Variants in HDAC9 observed in about 807,000 individuals in gnomAD.
The protein encoded by HDAC9 is histone deacetylase 9.
In HDAC9, 41 loss-of-function variants were observed where a neutral mutation model predicts 139.4. The ratio of observed to expected loss-of-function variants is 0.29; its 90% CI spans 0.23 to 0.38. HDAC9 has a LOEUF of 0.38. Among genes scored for constraint, HDAC9 ranks in the 10% least tolerant of loss-of-function variants. HDAC9 has a pLI of 1.00. For missense variants in HDAC9, 1,147 were observed against 1,297.0 expected (o/e 0.88, Z 1.78); for synonymous variants, 517 against 476.2 (o/e 1.09, Z -1.12).
intron 2 of HDAC9, among the ~76,000 whole-genome samples, chr7:18,180,537 G>A (rs940639204): frequency 2.0e-5 from 3 of 152,040 alleles, no homozygotes; most frequent in Admixed American, 2.0e-4. Context: ...AGATCAAAGA[G>A]TGTCAGAACT....
chr7:18,855,281 G>C (rs1200330723), intron 21 of HDAC9, among the ~76,000 whole-genome samples: 1 of 152,082 alleles, frequency 6.6e-6, no homozygotes, highest in African/African-American at 2.4e-5. Flanking sequence ...TCGTGACCTA[G>C]CGTAGTGTTA....
chr7:18,665,342 A>G (rs1794543748), intron 11 of HDAC9, among the ~76,000 whole-genome samples: 1 of 152,166 alleles, frequency 6.6e-6, no homozygotes, highest in Non-Finnish European at 1.5e-5. Flanking sequence ...ACAAATGACC[A>G]GTGTGAGACA....
rs191091374 is a variant in HDAC9 at position 18,728,479 on chromosome 7, G to A, written c.1909+722G>A. ...GCTATTCCCTCTGCAAAGGAACAGT[G>A]CTGTACATATATGCGTGGATAATTA... On this transcript the variant is annotated intron_variant, in intron 13 of 25. Transcript: ENST00000686413. Among the ~76,000 whole-genome samples, 42 of 151,724 alleles carry A rather than the reference G, an allele frequency of 2.8e-4. 1 individual carries two copies. The highest frequency in any genetic ancestry group is 9.9e-4 in the African/African-American group (41 of 41,372).
chr7:18,490,878 A>G (rs971264748), upstream of HDAC9, among the ~76,000 whole-genome samples: 1 of 152,024 alleles, frequency 6.6e-6, no homozygotes, highest in Admixed American at 6.6e-5. Context: ...GAGGAGCAGC[A>G]GTTATTGGTG....
At chr7:18,131,187 G>C (rs1193862408) in intron 1 of HDAC9, among the ~76,000 whole-genome samples, 1 of 152,100 alleles carries the variant, frequency 6.6e-6, no homozygotes, top group Non-Finnish European at 1.5e-5. Flanking sequence ...TGACATTTTA[G>C]ATGGTATGTG....
intron 12 of HDAC9, among the ~76,000 whole-genome samples, chr7:18,696,893 A>C (rs1406855621): frequency 6.6e-6 from 1 of 152,002 alleles, no homozygotes; most frequent in Non-Finnish European, 1.5e-5. Flanking sequence ...TGGCAATAAC[A>C]ATCATCACAT....
At chr7:18,594,121 T>G in intron 6 of HDAC9, 92 bp downstream of exon 6, 1 of 1,396,644 alleles carries the variant, frequency 7.2e-7, no homozygotes, top group Non-Finnish European at 1.0e-6. Flanking sequence ...TCAAAGGATT[T>G]GAGTCGTAGA....
At chr7:18,791,557 G>A (rs1432839000) in intron 16 of HDAC9, among the ~76,000 whole-genome samples, 1 of 152,140 alleles carries the variant, frequency 6.6e-6, no homozygotes, top group Non-Finnish European at 1.5e-5. Context: ...TTAGGTCTCA[G>A]TGTCCATTTC....
chr7:18,831,621 C>T (rs758116206), intron 19 of HDAC9, among the ~76,000 whole-genome samples: 2 of 152,128 alleles, frequency 1.3e-5, no homozygotes, highest in Non-Finnish European at 2.9e-5. Flanking sequence ...TTCTTACTTT[C>T]AAGTCTTCCA....
intron 11 of HDAC9, among the ~76,000 whole-genome samples, chr7:18,664,262 G>C (rs571718818): frequency 2.6e-5 from 4 of 151,976 alleles, no homozygotes; most frequent in African/African-American, 9.7e-5. Flanking sequence ...TCCTTCTCCC[G>C]ACTGCCCAGT....
At chr7:18,603,042 A>G (rs1256420034) in intron 6 of HDAC9, among the ~76,000 whole-genome samples, 1 of 152,074 alleles carries the variant, frequency 6.6e-6, no homozygotes, top group Non-Finnish European at 1.5e-5. Context: ...TATTTTATCA[A>G]TATGTAACAA....
At chr7:18,786,631 T>TCCC (rs1562940771) in intron 16 of HDAC9, among the ~76,000 whole-genome samples, 3 of 56,948 alleles carry the variant, frequency 5.3e-5, no homozygotes, top group African/African-American at 5.0e-5. Flanking sequence ...CCCTCCCTCC[T>TCCC]TCCTTCCTTT....
chr7:18,442,636 ATG>A (rs1562992132), intron 1 of HDAC9, among the ~76,000 whole-genome samples: 1 of 152,204 alleles, frequency 6.6e-6, no homozygotes, highest in Admixed American at 6.5e-5. Flanking sequence ...GAACTGACCT[ATG>A]TCTGTATTAA....
At chr7:18,632,453 T>C (rs1782634091) in intron 7 of HDAC9, among the ~76,000 whole-genome samples, 1 of 152,012 alleles carries the variant, frequency 6.6e-6, no homozygotes, top group Non-Finnish European at 1.5e-5. Context: ...GCTTGGAAAC[T>C]GGGTGTTCCC....
At chr7:18,114,461 C>G (rs181198217) in intron 1 of HDAC9, among the ~76,000 whole-genome samples, 74 of 152,324 alleles carry the variant, frequency 4.9e-4, no homozygotes, top group Non-Finnish European at 5.7e-4. Flanking sequence ...TAGCTCCAAC[C>G]TTTGCATTTT....
chr7:18,699,645 T>G (rs1228245744), intron 12 of HDAC9, among the ~76,000 whole-genome samples: 1 of 152,154 alleles, frequency 6.6e-6, no homozygotes, highest in Admixed American at 6.5e-5. Context: ...CTCCTAGGAA[T>G]GTTCATTGTC....
intron 1 of HDAC9, among the ~76,000 whole-genome samples, chr7:18,441,323 GAAC>G (rs1482680907): frequency 6.6e-6 from 1 of 152,012 alleles, no homozygotes; most frequent in Non-Finnish European, 1.5e-5. Context: ...TATTTTACTG[GAAC>G]ATTTATCTTT....
intron 1 of HDAC9, among the ~76,000 whole-genome samples, chr7:18,424,246 T>C (rs1308672888): frequency 6.6e-6 from 1 of 152,196 alleles, no homozygotes; most frequent in African/African-American, 2.4e-5. Flanking sequence ...ACCAGTGTAG[T>C]GAAAAGAATA....
chr7:18,621,536 A>T (rs1840205870), intron 6 of HDAC9, among the ~76,000 whole-genome samples: 1 of 152,136 alleles, frequency 6.6e-6, no homozygotes, highest in African/African-American at 2.4e-5. Context: ...TCTCAAAAAC[A>T]AATAGTATTA....
Sources: gnomAD v4.1 joint callset for allele counts (sites outside exome capture counted in the v4.1 genomes callset) on GRCh38, gnomAD v4.1.1 for gene constraint, MANE v1.5 for transcripts, NCBI Gene and HGNC (gene_info 2026-07-23, HGNC 2026-07-21) for gene names.